The following CNTNAP2 variants were observed in gnomAD, a reference collection of about 807,000 sequenced individuals.
CNTNAP2 encodes the protein contactin-associated protein-like 2.
Under a neutral mutation model 155.2 loss-of-function variants are expected in CNTNAP2, and 98 were observed. The observed-to-expected ratio is 0.63, with a 90% CI of 0.54 to 0.75. The LOEUF is 0.75. CNTNAP2 is among the 30% of genes least tolerant of loss of function. The pLI, the probability that CNTNAP2 is intolerant of heterozygous loss-of-function variation, is 0.00. For synonymous variants in CNTNAP2, 651 were observed against 631.2 expected (o/e 1.03, Z -0.47); for missense variants, 1,727 against 1,688.1 (o/e 1.02, Z -0.40).
intron 12 of CNTNAP2, among the ~76,000 whole-genome samples, chr7:147,562,990 A>G (rs1271682630): frequency 2.0e-5 from 3 of 152,180 alleles, no homozygotes; most frequent in African/African-American, 4.8e-5. Context: ...GCATAATATG[A>G]TAAGGGTAAT....
At chr7:146,872,954 G>A (rs957383963) in intron 3 of CNTNAP2, among the ~76,000 whole-genome samples, 4 of 152,218 alleles carry the variant, frequency 2.6e-5, no homozygotes, top group Admixed American at 2.6e-4. Context: ...TCCCAACATA[G>A]CACCTGCATT....
chr7:147,689,958 C>T (rs1421900083), intron 13 of CNTNAP2, among the ~76,000 whole-genome samples: 1 of 151,774 alleles, frequency 6.6e-6, no homozygotes, highest in Non-Finnish European at 1.5e-5. Flanking sequence ...TTTTTTCTCT[C>T]TGTAGATTGT....
intron 3 of CNTNAP2, among the ~76,000 whole-genome samples, chr7:146,879,485 A>C (rs138333979): frequency 6.6e-6 from 1 of 152,174 alleles, no homozygotes; most frequent in South Asian, 2.1e-4. Context: ...AGATTTAAAT[A>C]AAATATATAA....
chr7:148,132,535 G>A (rs963633818), intron 16 of CNTNAP2, among the ~76,000 whole-genome samples: 2 of 152,126 alleles, frequency 1.3e-5, no homozygotes, highest in South Asian at 2.1e-4. Flanking sequence ...ACCGTAAAGA[G>A]CTCTGCTGTT....
chr7:146,575,032 A>G (rs901721417), intron 1 of CNTNAP2, among the ~76,000 whole-genome samples: 1 of 152,206 alleles, frequency 6.6e-6, no homozygotes, highest in African/African-American at 2.4e-5. Flanking sequence ...AGTTTTGACA[A>G]AAGGCTAGTG....
chr7:146,408,741 G>T (rs1227959442), intron 1 of CNTNAP2, among the ~76,000 whole-genome samples: 1 of 151,944 alleles, frequency 6.6e-6, no homozygotes, highest in Admixed American at 6.6e-5. Context: ...CCTGCACGTT[G>T]TGCACATGTA....
In CNTNAP2 at chr7:148,417,682, G is replaced by A. The variant is rs1800026121; in HGVS notation, c.*2066G>A. 1 of 152,212 alleles carries A rather than the reference G, an allele frequency of 6.6e-6. No individual in the cohort carries two copies. Among genetic ancestry groups the A allele is most frequent in the Non-Finnish European group, 1.5e-5 (1 of 68,034 alleles). The allele number at this position is 152,212 out of a possible 1,614,324, so 9.4% of individuals were successfully genotyped here. ...AAATTTTAAACATGATGTTTTAGAA[G>A]TGTTTCTGATTTTTAAACCTGGTTT... On this transcript the variant is annotated 3_prime_UTR_variant, in exon 24 of 24. Transcript: ENST00000361727.
At chr7:147,957,172 T>C (rs1801030097) in intron 14 of CNTNAP2, among the ~76,000 whole-genome samples, 1 of 152,108 alleles carries the variant, frequency 6.6e-6, no homozygotes, top group South Asian at 2.1e-4. Context: ...GTTAGTAGGA[T>C]TGACAGGAAC....
chr7:147,062,565 C>T (rs1348181991), intron 4 of CNTNAP2, among the ~76,000 whole-genome samples: 3 of 152,042 alleles, frequency 2.0e-5, no homozygotes, highest in Non-Finnish European at 4.4e-5. Flanking sequence ...TTTCCAAATC[C>T]CATTTTTGCC....
Position 146,849,693 on chromosome 7 carries a change from A to G in CNTNAP2, c.402+9789A>G, listed in dbSNP as rs1035786833. On this transcript the variant is annotated intron_variant, in intron 3 of 23. Transcript: ENST00000361727. Reference sequence around the variant, plus strand: ...AATCAAAAATAAATTGTTTAGAACAATGCCCCATAAATATAGTCTCTTCTT... The same window carrying G: ...AATCAAAAATAAATTGTTTAGAACAGTGCCCCATAAATATAGTCTCTTCTT... Among the ~76,000 whole-genome samples, 9 of 152,344 alleles carry G rather than the reference A, an allele frequency of 5.9e-5. No homozygotes were observed. The East Asian group carries it at 1.5e-3, about 26-fold the overall frequency.
intron 8 of CNTNAP2, among the ~76,000 whole-genome samples, chr7:147,137,783 G>T (rs551387708): frequency 6.6e-6 from 1 of 151,468 alleles, no homozygotes; most frequent in African/African-American, 2.4e-5. Context: ...AACAAATTCC[G>T]CACCATCTAT....
At chr7:147,320,071 C>A (rs1274981205) in intron 9 of CNTNAP2, among the ~76,000 whole-genome samples, 1 of 152,136 alleles carries the variant, frequency 6.6e-6, no homozygotes, top group East Asian at 1.9e-4. Flanking sequence ...TTGCATCTAG[C>A]ATGCAACCTC....
chr7:147,997,275 T>C (rs1218529703), intron 15 of CNTNAP2, among the ~76,000 whole-genome samples: 1 of 152,162 alleles, frequency 6.6e-6, no homozygotes, highest in African/African-American at 2.4e-5. Flanking sequence ...TTTAAACAGC[T>C]GGGTGTGGTG....
In CNTNAP2 at chr7:147,575,289, T is replaced by G. The variant is rs114478142; in HGVS notation, c.1897+13032T>G. ...AGCTTTAGGAGTACGCATATGTGTGTGTGTATTCCCTAGCTTTAGGGGTAT... is the reference window on the plus strand; with the variant it reads ...AGCTTTAGGAGTACGCATATGTGTGGGTGTATTCCCTAGCTTTAGGGGTAT... On this transcript the variant is annotated intron_variant, in intron 12 of 23. Coordinates refer to ENST00000361727, the MANE Select transcript of CNTNAP2 (RefSeq NM_014141.6). 1.4e-3 allele frequency among the ~76,000 whole-genome samples: 206 copies of G among 144,348 alleles called. 4 individuals carry two copies. The highest frequency in any genetic ancestry group is 4.9e-3 in the African/African-American group (187 of 37,916). The allele number at this position is 144,348 out of a possible 152,430, so 94.7% of individuals were successfully genotyped here.
intron 3 of CNTNAP2, among the ~76,000 whole-genome samples, chr7:146,993,759 C>G (rs181764131): frequency 2.0e-5 from 3 of 151,962 alleles, no homozygotes; most frequent in Non-Finnish European, 2.9e-5. Context: ...TTTTTAATAC[C>G]TTATTAAAGT....
At chr7:147,456,943 T>A (rs1438461329) in intron 10 of CNTNAP2, among the ~76,000 whole-genome samples, 1 of 152,042 alleles carries the variant, frequency 6.6e-6, no homozygotes, top group Non-Finnish European at 1.5e-5. Context: ...GTAAAAGGAG[T>A]GCTATAGAAA....
chr7:147,258,085 G>A (rs755306968), intron 8 of CNTNAP2, among the ~76,000 whole-genome samples: 3 of 152,140 alleles, frequency 2.0e-5, no homozygotes, highest in Non-Finnish European at 2.9e-5. Context: ...AGACAGAGAC[G>A]TTCAAAGTAA....
At chr7:148,228,843 ACT>A in intron 19 of CNTNAP2, among the ~76,000 whole-genome samples, 1 of 150,706 alleles carries the variant, frequency 6.6e-6, no homozygotes, top group African/African-American at 2.4e-5. Flanking sequence ...AAAAAAAAAA[ACT>A]ATGTTTATTT....
intron 1 of CNTNAP2, among the ~76,000 whole-genome samples, chr7:146,396,128 G>A (rs890172293): frequency 6.6e-6 from 1 of 152,064 alleles, no homozygotes; most frequent in African/African-American, 2.4e-5. Context: ...ACTACAGCAT[G>A]TATTAAATAA....
Sources: gnomAD v4.1 joint callset for allele counts (sites outside exome capture counted in the v4.1 genomes callset) on GRCh38, gnomAD v4.1.1 for gene constraint, MANE v1.5 for transcripts, NCBI Gene and HGNC (gene_info 2026-07-23, HGNC 2026-07-21) for gene names.